Variants in RO60 observed in about 807,000 individuals in gnomAD.
RO60 encodes RNA-binding protein RO60.
A neutral mutation model predicts 55.3 loss-of-function variants in RO60; 20 were observed. That is an observed-to-expected ratio of 0.36 (90% CI 0.25 to 0.53). The LOEUF (loss-of-function observed/expected upper bound fraction) is 0.53, where lower values mean the gene tolerates loss of function less well. RO60 is among the 20% of genes least tolerant of loss of function. The probability of loss-of-function intolerance (pLI) is 0.92; values close to 1 mark genes in which losing one functional copy is unlikely to be tolerated. For synonymous variants in RO60, 213 were observed against 213.6 expected (o/e 1.00, Z 0.02); for missense variants, 558 against 646.6 (o/e 0.86, Z 1.49).
chr1:193,081,022 T>C (rs916606263), intron 5 of RO60, among the ~76,000 whole-genome samples: 3 of 152,192 alleles, frequency 2.0e-5, no homozygotes, highest in Non-Finnish European at 4.4e-5. Context: ...CAAATTTATG[T>C]TATATTTTAC....
At chr1:193,066,240 A>T (rs1253297898) in intron 1 of RO60, among the ~76,000 whole-genome samples, 1 of 152,168 alleles carries the variant, frequency 6.6e-6, no homozygotes, top group Non-Finnish European at 1.5e-5. Context: ...CTGTATCTTC[A>T]GCTCTCCAAA....
intron 2 of RO60, among the ~76,000 whole-genome samples, chr1:193,075,126 A>G (rs543029497): frequency 8.8e-4 from 134 of 152,152 alleles, no homozygotes; most frequent in African/African-American, 3.1e-3. Context: ...TTGTAATCCA[A>G]TCCCTGCTGT....
downstream of RO60, chr1:193,091,758 TAAACTC>T: frequency 7.8e-7 from 1 of 1,277,366 alleles, no homozygotes; most frequent in Non-Finnish European, 1.1e-6. Flanking sequence ...ATGTACCAAA[TAAACTC>T]TATGCACATT....
chr1:193,062,825 G>A (rs1324500485), intron 1 of RO60, among the ~76,000 whole-genome samples: 1 of 152,128 alleles, frequency 6.6e-6, no homozygotes, highest in African/African-American at 2.4e-5. Flanking sequence ...TTGGCATAAT[G>A]TTTTCAAGGT....
chr1:193,075,531 TAA>T (rs1253665667), intron 2 of RO60, among the ~76,000 whole-genome samples: 2 of 152,018 alleles, frequency 1.3e-5, no homozygotes, highest in Non-Finnish European at 2.9e-5. Context: ...TGAAACTTTC[TAA>T]TGCTGGTGTC....
intron 1 of RO60, chr1:193,060,282 G>A (rs993512513): frequency 2.0e-4 from 71 of 351,224 alleles, no homozygotes; most frequent in African/African-American, 1.4e-3. Flanking sequence ...GGGAAAATTA[G>A]GTTGAAAACA....
intron 1 of RO60, among the ~76,000 whole-genome samples, chr1:193,066,593 G>A (rs1442494258): frequency 6.6e-6 from 1 of 151,960 alleles, no homozygotes; most frequent in South Asian, 2.1e-4. Flanking sequence ...ATTCTCTGTC[G>A]GTTTTCTTCA....
At chr1:193,065,851 T>C (rs1031638095) in intron 1 of RO60, among the ~76,000 whole-genome samples, 60 of 152,298 alleles carry the variant, frequency 3.9e-4, no homozygotes, top group African/African-American at 1.3e-3. Context: ...TAGCGTCTTA[T>C]TTGGAATATT....
At chr1:193,061,041 G>C (rs1672625198) in intron 1 of RO60, among the ~76,000 whole-genome samples, 1 of 152,114 alleles carries the variant, frequency 6.6e-6, no homozygotes, top group South Asian at 2.1e-4. Flanking sequence ...TTAGCCTTTG[G>C]CACAATCTAG....
intron 1 of RO60, among the ~76,000 whole-genome samples, chr1:193,064,187 T>C (rs1236371973): frequency 6.6e-6 from 1 of 152,228 alleles, no homozygotes; most frequent in African/African-American, 2.4e-5. Context: ...TTTATGAGGT[T>C]TCATCACATG....
In RO60 at chr1:193,082,311, T is replaced by C. The variant is rs1374357894; in HGVS notation, c.1317+12T>C. Reference sequence around the variant, plus strand: ...TGGCTATGAGTCAGGTAAGAAACTGTGTTTTTTAAGTTTACTTAGTTAAGT... The same window carrying C: ...TGGCTATGAGTCAGGTAAGAAACTGCGTTTTTTAAGTTTACTTAGTTAAGT... On this transcript the variant is annotated intron_variant, in intron 7 of 8. Transcript: ENST00000400968. The C allele has an allele frequency of 3.2e-6, 5 of 1,553,638 alleles. No individual in the cohort carries two copies. In the South Asian group the frequency reaches 5.9e-5, roughly 18 times the overall value.
At chr1:193,081,574 C>T in intron 6 of RO60, 94 bp downstream of exon 6, 1 of 695,836 alleles carries the variant, frequency 1.4e-6, no homozygotes, top group Non-Finnish European at 2.4e-6. Flanking sequence ...TATGTTTTCA[C>T]TTTTTTCTGT....
intron 2 of RO60, among the ~76,000 whole-genome samples, chr1:193,074,584 G>GT (rs1673764405): frequency 6.6e-6 from 1 of 152,114 alleles, no homozygotes; most frequent in Admixed American, 6.5e-5. Context: ...TGATGGGGTT[G>GT]TTTTTTTCTT....
chr1:193,076,009 A>T lies in RO60; in HGVS notation c.770A>T (p.His257Leu). The change falls in exon 3 of 9, where the codon CAT becomes CTT. Residue 257 changes from histidine to leucine, a missense_variant. Transcript: ENST00000400968. Reference sequence around the variant, plus strand: ...GAAGAACATAGATTAGTTAGAGAACATCTTTTAACAAATCACTTAAAGTCT... The same window carrying T: ...GAAGAACATAGATTAGTTAGAGAACTTCTTTTAACAAATCACTTAAAGTCT... ...LIEEHRLVRE[H>L]LLTNHLKSKE... The T allele has an allele frequency of 2.5e-6, 4 of 1,609,462 alleles. No individual in the cohort carries two copies. The highest frequency in any genetic ancestry group is 3.4e-6 in the Non-Finnish European group (4 of 1,178,292).
intron 1 of RO60, among the ~76,000 whole-genome samples, chr1:193,066,489 T>A (rs1299123184): frequency 6.6e-6 from 1 of 152,196 alleles, no homozygotes; most frequent in African/African-American, 2.4e-5. Flanking sequence ...AACCCAGTGG[T>A]CATTTTCTAG....
intron 7 of RO60, 111 bp from the exon 8 acceptor site, chr1:193,082,451 T>G (rs1293200185): frequency 5.0e-6 from 7 of 1,391,418 alleles, no homozygotes; most frequent in Non-Finnish European, 5.9e-6. Flanking sequence ...AAAATATATA[T>G]GCAGGCTTTG....
chr1:193,085,040 G>T lies in RO60; in HGVS notation c.*309G>T. 1 of 1,524,404 alleles carries T rather than the reference G, an allele frequency of 6.6e-7. No individual in the cohort carries two copies. Among genetic ancestry groups the T allele is most frequent in the South Asian group, 1.2e-5 (1 of 80,742 alleles). The allele number at this position is 1,524,404 out of a possible 1,614,324, so 94.4% of individuals were successfully genotyped here. A position where few individuals can be genotyped will look rare whatever the true frequency, so the allele number is the denominator to read the frequency against. On this transcript the variant is annotated 3_prime_UTR_variant, in exon 9 of 9. Transcript: ENST00000400968. ...GAATAATACGTGTGTACCTAAAAGA[G>T]GTAAGAGCAAAAAGTGTAATTCCAC...
intron 1 of RO60, among the ~76,000 whole-genome samples, chr1:193,061,972 A>G (rs1672798930): frequency 6.6e-6 from 1 of 151,168 alleles, no homozygotes; most frequent in African/African-American, 2.4e-5. Context: ...TGACAGAGTG[A>G]GAGTCTGTCT....
chr1:193,077,937 T>TA (rs1674042814), intron 5 of RO60, among the ~76,000 whole-genome samples: 1 of 152,162 alleles, frequency 6.6e-6, no homozygotes, highest in South Asian at 2.1e-4. Context: ...TCAGTCTTGA[T>TA]AAAAAATGAG....
Sources: allele counts gnomAD v4.1 joint callset (sites outside exome capture counted in the v4.1 genomes callset), GRCh38; gene constraint gnomAD v4.1.1; transcripts MANE v1.5; gene names NCBI Gene and HGNC (gene_info 2026-07-23, HGNC 2026-07-21).